Variants in NRG1 observed in about 807,000 individuals in gnomAD.
NRG1 encodes the protein neuregulin 1.
Under a neutral mutation model 63.8 loss-of-function variants are expected in NRG1, and 18 were observed. That is an observed-to-expected ratio of 0.28 (90% CI 0.19 to 0.42). The LOEUF is 0.42. Among genes scored for constraint, NRG1 ranks in the 10% least tolerant of loss-of-function variants. NRG1 has a pLI of 1.00. For synonymous variants in NRG1, 302 were observed against 301.3 expected, an observed-to-expected ratio of 1.00 and a Z score of -0.02; for missense variants, 762 against 814.7, an observed-to-expected ratio of 0.94 and a Z score of 0.79.
chr8:31,748,093 T>C (rs1341667772), intron 1 of NRG1, among the ~76,000 whole-genome samples: 3 of 151,998 alleles, frequency 2.0e-5, no homozygotes, highest in Non-Finnish European at 4.4e-5. Context: ...TTCTACCATA[T>C]TGTAATACTG....
In NRG1 at chr8:31,712,970, TGTCCATCCATCCACCC is replaced by T. The variant is rs796285151; in HGVS notation, c.37+73540_37+73555del. Among the ~76,000 whole-genome samples, 330 of 148,138 alleles carry T rather than the reference TGTCCATCCATCCACCC, an allele frequency of 2.2e-3. 2 individuals carry two copies. Among genetic ancestry groups the T allele is most frequent in the African/African-American group, 7.0e-3 (278 of 39,456 alleles). ...TCAATCAATCAATCAGTCATCTCTC[TGTCCATCCATCCACCC>T]ATCCATCCATCCATCCATCCATCCA... On this transcript the variant is annotated intron_variant, in intron 1 of 10. Coordinates refer to the NRG1 transcript ENST00000519301.
intron 5 of NRG1, among the ~76,000 whole-genome samples, chr8:32,621,404 G>T (rs1423358637): frequency 6.6e-6 from 1 of 152,144 alleles, no homozygotes; most frequent in Non-Finnish European, 1.5e-5. Flanking sequence ...CTATCTTGCT[G>T]CTCCTTTTAT....
At chr8:32,764,921 C>T (rs993468539) in exon 12 of NRG1, 1 of 152,336 alleles carries the variant, frequency 6.6e-6, no homozygotes, top group African/African-American at 2.4e-5. Flanking sequence ...AAAGGTTTGC[C>T]TCATTGGGCT....
At chr8:31,721,231 C>T (rs1363330899) in intron 1 of NRG1, among the ~76,000 whole-genome samples, 2 of 152,062 alleles carry the variant, frequency 1.3e-5, no homozygotes, top group African/African-American at 2.4e-5. Context: ...AAAAAAATCT[C>T]ATAATTGCAA....
At chr8:32,596,048 A>G (rs964525584) in intron 2 of NRG1, 43 bp downstream of exon 2, 51 of 1,468,938 alleles carry the variant, frequency 3.5e-5, no homozygotes, top group Non-Finnish European at 4.4e-5. Context: ...CCCCAGCAAT[A>G]AGATAACATA....
chr8:31,827,612 CT>C, intron 1 of NRG1, among the ~76,000 whole-genome samples: 1 of 152,206 alleles, frequency 6.6e-6, no homozygotes, highest in African/African-American at 2.4e-5. Flanking sequence ...TGAAGGTCAG[CT>C]ATCACAAATA....
intron 5 of NRG1, among the ~76,000 whole-genome samples, chr8:32,649,096 C>A (rs957656577): frequency 6.6e-6 from 1 of 150,416 alleles, no homozygotes; most frequent in African/African-American, 2.4e-5. Flanking sequence ...CTTCTATAAT[C>A]AAATGTTTAA....
At chr8:31,690,863 A>AT (rs1809427910) in intron 1 of NRG1, among the ~76,000 whole-genome samples, 1 of 152,214 alleles carries the variant, frequency 6.6e-6, no homozygotes. Context: ...TTGAGATTCT[A>AT]TAAGACTTCC....
chr8:32,070,459 T>A (rs1484505628), intron 1 of NRG1, among the ~76,000 whole-genome samples: 1 of 152,246 alleles, frequency 6.6e-6, no homozygotes, highest in Non-Finnish European at 1.5e-5. Flanking sequence ...ATAATTGTTT[T>A]AACAAATGAA....
intron 1 of NRG1, among the ~76,000 whole-genome samples, chr8:32,060,907 T>C (rs1586814324): frequency 6.6e-6 from 1 of 151,836 alleles, no homozygotes; most frequent in African/African-American, 2.4e-5. Flanking sequence ...AGTCAAAAAG[T>C]GTGCTAAGAT....
At chr8:32,549,029 A>G (rs540919268) in intron 1 of NRG1, among the ~76,000 whole-genome samples, 1 of 152,216 alleles carries the variant, frequency 6.6e-6, no homozygotes, top group African/African-American at 2.4e-5. Flanking sequence ...CCGGGCGCCT[A>G]CGCCCAGAGC....
At chr8:32,395,503 T>G (rs1812322013) in intron 1 of NRG1, among the ~76,000 whole-genome samples, 1 of 152,230 alleles carries the variant, frequency 6.6e-6, no homozygotes, top group African/African-American at 2.4e-5. Flanking sequence ...ATATTGAGCA[T>G]CTTTTCATGA....
At chr8:32,578,151 C>T (rs912703205) in intron 1 of NRG1, among the ~76,000 whole-genome samples, 1 of 152,018 alleles carries the variant, frequency 6.6e-6, no homozygotes, top group East Asian at 1.9e-4. Context: ...CCTGCCACCA[C>T]GCCCGGATAA....
intron 1 of NRG1, among the ~76,000 whole-genome samples, chr8:31,644,479 G>A (rs1804105359): frequency 6.6e-6 from 1 of 152,068 alleles, no homozygotes; most frequent in Non-Finnish European, 1.5e-5. Flanking sequence ...TTGTTGTTGT[G>A]GGGTATCTAT....
intron 1 of NRG1, among the ~76,000 whole-genome samples, chr8:32,101,994 A>G (rs1045051448): frequency 6.6e-6 from 1 of 152,150 alleles, no homozygotes; most frequent in Non-Finnish European, 1.5e-5. Flanking sequence ...AGGGCTTTGC[A>G]TTTAGACTTG....
chr8:31,706,124 A>G (rs1360915312), intron 1 of NRG1, among the ~76,000 whole-genome samples: 1 of 152,226 alleles, frequency 6.6e-6, no homozygotes, highest in Non-Finnish European at 1.5e-5. Context: ...AAATGAGTAC[A>G]TAGTAAGAGA....
At chr8:32,149,911 G>A (rs965916034) in intron 1 of NRG1, among the ~76,000 whole-genome samples, 1 of 152,274 alleles carries the variant, frequency 6.6e-6, no homozygotes, top group East Asian at 1.9e-4. Context: ...TAAATAAAAG[G>A]ATCAATCAAT....
intron 1 of NRG1, among the ~76,000 whole-genome samples, chr8:32,207,964 G>C (rs912285140): frequency 6.6e-5 from 10 of 152,158 alleles, no homozygotes; most frequent in Admixed American, 6.5e-4. Flanking sequence ...CCATCCTTGG[G>C]TGTTAAGGGA....
At chr8:31,744,584 G>A (rs997730979) in intron 1 of NRG1, among the ~76,000 whole-genome samples, 4 of 151,854 alleles carry the variant, frequency 2.6e-5, no homozygotes, top group Admixed American at 6.6e-5. Context: ...GTCCCCAGAG[G>A]CTGGCTTATC....
Sources: gnomAD v4.1 joint callset for allele counts (sites outside exome capture counted in the v4.1 genomes callset) on GRCh38, gnomAD v4.1.1 for gene constraint, MANE v1.5 for transcripts, NCBI Gene and HGNC (gene_info 2026-07-23, HGNC 2026-07-21) for gene names.